ZBTB44: variants seen among roughly 807,000 people sequenced by gnomAD.
ZBTB44 encodes zinc finger and BTB domain containing 44, also known as zinc finger and BTB domain-containing protein 44.
Under a neutral mutation model 54.0 loss-of-function variants are expected in ZBTB44, and 15 were observed. The observed-to-expected ratio is 0.28, with a 90% CI of 0.19 to 0.43. ZBTB44 has a LOEUF of 0.43. Ranked by LOEUF, ZBTB44 falls within the 20% of genes least tolerant of loss-of-function variation. The pLI is 1.00. For missense variants in ZBTB44, 487 were observed against 707.1 expected (o/e 0.69, Z 3.53); for synonymous variants, 230 against 250.1 (o/e 0.92, Z 0.76).
intron 1 of ZBTB44, among the ~76,000 whole-genome samples, chr11:130,274,071 G>T (rs1424479335): frequency 6.6e-6 from 1 of 151,828 alleles, no homozygotes; most frequent in Admixed American, 6.6e-5. Flanking sequence ...CTGAGTGACA[G>T]AGCAAGATTG....
chr11:130,313,509 T>C (rs1450778852), intron 1 of ZBTB44, among the ~76,000 whole-genome samples: 1 of 152,192 alleles, frequency 6.6e-6, no homozygotes, highest in Non-Finnish European at 1.5e-5. Context: ...TGAAGATTTA[T>C]ACAGTATTTT....
At chr11:130,245,365 T>C (rs555082282) in intron 2 of ZBTB44, among the ~76,000 whole-genome samples, 1 of 152,334 alleles carries the variant, frequency 6.6e-6, no homozygotes, top group African/African-American at 2.4e-5. Context: ...TGTCAGTATC[T>C]TCCCATTCTC....
intron 4 of ZBTB44, 98 bp from the exon 5 acceptor site, chr11:130,237,191 A>C: frequency 8.3e-7 from 1 of 1,211,236 alleles, no homozygotes; most frequent in Non-Finnish European, 1.1e-6. Flanking sequence ...GCAACAGATC[A>C]TCTGAAAAGG....
At chr11:130,246,883 A>G (rs1007646896) in intron 2 of ZBTB44, among the ~76,000 whole-genome samples, 1 of 152,186 alleles carries the variant, frequency 6.6e-6, no homozygotes, top group Non-Finnish European at 1.5e-5. Context: ...TTAAAGCGAG[A>G]CTAAAAAACA....
intron 1 of ZBTB44, among the ~76,000 whole-genome samples, chr11:130,278,800 C>T (rs989403826): frequency 1.3e-5 from 2 of 152,082 alleles, no homozygotes; most frequent in African/African-American, 4.8e-5. Flanking sequence ...TTATTGATAG[C>T]CTCTATTTTA....
Position 130,236,877 on chromosome 11 carries a change from A to G in ZBTB44, c.1484T>C (p.Met495Thr). The change falls in exon 5 of 8, where the codon ATG becomes ACG. Residue 495 changes from methionine to threonine, a missense_variant. Met to Thr is a moderately conservative substitution (Grantham distance 81). Coordinates refer to ENST00000357899, the MANE Select transcript of ZBTB44 (RefSeq NM_001301098.2). ...GATTAAATTTCCAGAGTTGGTGAAC[A>G]TGGCGCCACATGTTTTGCACTCGTA... Reference protein sequence around the residue: ...RIYECKTCGAMFTNSGNLIVH... With the variant: ...RIYECKTCGATFTNSGNLIVH... 2 of 1,535,216 alleles carry G rather than the reference A, an allele frequency of 1.3e-6. No homozygotes were observed. Among genetic ancestry groups the G allele is most frequent in the Non-Finnish European group, 1.8e-6 (2 of 1,142,622 alleles).
intron 1 of ZBTB44, among the ~76,000 whole-genome samples, chr11:130,279,888 G>A (rs1940383979): frequency 6.6e-6 from 1 of 152,140 alleles, no homozygotes; most frequent in African/African-American, 2.4e-5. Flanking sequence ...AAGAGATTAA[G>A]AACTATTGGT....
chr11:130,247,901 C>CT (rs1411701914), intron 2 of ZBTB44, among the ~76,000 whole-genome samples: 2 of 152,118 alleles, frequency 1.3e-5, no homozygotes, highest in Non-Finnish European at 2.9e-5. Context: ...AACCAGCAGT[C>CT]TTTTTTCTCC....
chr11:130,286,417 C>T (rs556970681), intron 1 of ZBTB44, among the ~76,000 whole-genome samples: 1 of 152,188 alleles, frequency 6.6e-6, no homozygotes, highest in South Asian at 2.1e-4. Context: ...AACTTACTAC[C>T]TGAAATTTTC....
intron 1 of ZBTB44, among the ~76,000 whole-genome samples, chr11:130,269,253 C>T (rs58624160): frequency 0.041 from 6,212 of 151,994 alleles, 315 homozygotes; most frequent in African/African-American, 0.12. Flanking sequence ...CACACTATTG[C>T]ACTCCAGCCT....
intron 1 of ZBTB44, among the ~76,000 whole-genome samples, chr11:130,286,953 T>C (rs1236224867): frequency 6.6e-6 from 1 of 152,236 alleles, no homozygotes; most frequent in Non-Finnish European, 1.5e-5. Context: ...GACAGATCTC[T>C]GACTCTACCA....
In ZBTB44 at chr11:130,309,928, G is replaced by A. The variant is rs374366376; in HGVS notation, c.-57+4447C>T. 5.3e-5 allele frequency among the ~76,000 whole-genome samples: 8 copies of A among 151,666 alleles called. No homozygotes were observed. The East Asian group carries it at 1.4e-3, about 26-fold the overall frequency. On this transcript the variant is annotated intron_variant, in intron 1 of 7. Coordinates refer to ENST00000357899, the MANE Select transcript of ZBTB44 (RefSeq NM_001301098.2). ...AAAAAAAAAAGTTAAAAAAGTAGATGGAGTCATAAAACCTCTACCAACTAC... is the reference window on the plus strand; with the variant it reads ...AAAAAAAAAAGTTAAAAAAGTAGATAGAGTCATAAAACCTCTACCAACTAC...
chr11:130,240,292 G>A lies in ZBTB44; in HGVS notation c.1019-396C>T, dbSNP rs545595151. On this transcript the variant is annotated intron_variant, in intron 2 of 7. Coordinates refer to ENST00000357899, the MANE Select transcript of ZBTB44 (RefSeq NM_001301098.2). ...CCTGACCTTGTGATCCACCTGCCTC[G>A]GCCTCCCAAAGTGCTGGGATTACAG... Among the ~76,000 whole-genome samples, 1,176 of 151,922 alleles carry A rather than the reference G, an allele frequency of 7.7e-3. 8 individuals carry two copies. Among genetic ancestry groups the A allele is most frequent in the African/African-American group, 0.018 (761 of 41,462 alleles).
chr11:130,257,475 A>C (rs1938534032), intron 2 of ZBTB44, among the ~76,000 whole-genome samples: 1 of 152,122 alleles, frequency 6.6e-6, no homozygotes, highest in East Asian at 1.9e-4. Flanking sequence ...ATACTAAAGC[A>C]CAATATCATA....
chr11:130,314,801 G>A lies in ZBTB44; in HGVS notation c.-483C>T, dbSNP rs1942851403. 1 of 133,346 alleles carries A rather than the reference G, an allele frequency of 7.5e-6. No individual in the cohort carries two copies. The highest frequency in any genetic ancestry group is 2.9e-5 in the African/African-American group (1 of 34,732). 8.3% of individuals were successfully genotyped at this position (133,346 alleles called of 1,614,324 possible). On this transcript the variant is annotated 5_prime_UTR_variant, in exon 1 of 8. Coordinates refer to ENST00000357899, the MANE Select transcript of ZBTB44 (RefSeq NM_001301098.2). ...GTGGGGAAGGGGAAGGGGACTGAGG[G>A]GAGGGGAGGGGGAGGTTGGGAGGGA...
In ZBTB44 at chr11:130,295,770, C is replaced by A. The variant is rs1025453341; in HGVS notation, c.-57+18605G>T. 44 of 1,484,970 alleles carry A rather than the reference C, an allele frequency of 3.0e-5. No homozygotes were observed. The African/African-American group carries it at 5.3e-4, about 18-fold the overall frequency. 92.0% of individuals were successfully genotyped at this position (1,484,970 alleles called of 1,614,324 possible). On this transcript the variant is annotated intron_variant, in intron 1 of 7. Coordinates refer to ENST00000357899, the MANE Select transcript of ZBTB44 (RefSeq NM_001301098.2). The stretch of plus-strand genomic sequence containing the variant: ...GGCTTTTCTCAAACCTGCAGTAGAA[C>A]TCATTGTTAAAATTCATGCCCAGGA...
intron 5 of ZBTB44, chr11:130,236,227 G>C: frequency 7.8e-7 from 1 of 1,281,940 alleles, no homozygotes; most frequent in South Asian, 1.2e-5. Context: ...CTATAAATCA[G>C]AAAGGTAATT....
intron 2 of ZBTB44, among the ~76,000 whole-genome samples, chr11:130,253,729 C>T (rs1449372252): frequency 6.6e-6 from 1 of 152,122 alleles, no homozygotes; most frequent in Non-Finnish European, 1.5e-5. Context: ...CTTTAAAGTT[C>T]ACATGGAACC....
At position 130,261,177 on chromosome 11, in the gene ZBTB44, G is replaced by T; in HGVS notation, c.697C>A (p.Pro233Thr). Residue 233 changes from proline (P) to threonine (T), a missense_variant, in exon 2 of 8, where the codon CCT (proline) becomes ACT (threonine). Transcript: ENST00000357899. The surrounding 1 kb of genome is among the most constrained non-coding windows in gnomAD (Gnocchi z 4.8). ...DSSLAFPWTF[P>T]FGIDRRIQPE... Reference sequence around the variant, plus strand: ...TGAATCCTTCGATCAATTCCAAAAGGAAAAGTCCAAGGAAAAGCTAAGGAA... The same window carrying T: ...TGAATCCTTCGATCAATTCCAAAAGTAAAAGTCCAAGGAAAAGCTAAGGAA... 1 of 1,613,904 alleles carries T rather than the reference G, an allele frequency of 6.2e-7. No individual in the cohort carries two copies. The highest frequency in any genetic ancestry group is 1.1e-5 in the South Asian group (1 of 91,074).
Sources: allele counts gnomAD v4.1 joint callset (sites outside exome capture counted in the v4.1 genomes callset), GRCh38; gene constraint gnomAD v4.1.1; non-coding constraint Gnocchi (gnomAD v3.1); transcripts MANE v1.5; gene names NCBI Gene and HGNC (gene_info 2026-07-23, HGNC 2026-07-21).